TTC22: variants seen among roughly 807,000 people sequenced by gnomAD.
TTC22 encodes the protein tetratricopeptide repeat protein 22.
A neutral mutation model predicts 48.2 loss-of-function variants in TTC22; 42 were observed. That is an observed-to-expected ratio of 0.87 (90% confidence interval 0.68 to 1.13). TTC22 has a LOEUF of 1.13. TTC22 is among the 50% of genes most tolerant of loss of function. The pLI, the probability that TTC22 is intolerant of heterozygous loss-of-function variation, is 0.00. For missense variants in TTC22, 784 were observed against 807.0 expected, an observed-to-expected ratio of 0.97 and a Z score of 0.34; for synonymous variants, 345 against 365.5, an observed-to-expected ratio of 0.94 and a Z score of 0.64.
Position 54,781,616 on chromosome 1 carries a change from C to T in TTC22, c.1337G>A (p.Gly446Asp), listed in dbSNP as rs1315628169. 2 of 1,529,220 alleles carry T rather than the reference C, an allele frequency of 1.3e-6. No individual in the cohort carries two copies. The highest frequency in any genetic ancestry group is 4.0e-5 in the Admixed American group (2 of 50,610). The allele number at this position is 1,529,220 out of a possible 1,614,324, so 94.7% of individuals were successfully genotyped here. The stretch of plus-strand genomic sequence containing the variant: ...GCAGGCGGCCGCGTTGGCGTCCTCG[C>T]CCTTGATGCGCAGGCACTTGCCGCG... ...LLRGKCLRIK[G>D]EDANAAACFK... The change falls in exon 7 of 7, where the codon GGC becomes GAC. Residue 446 changes from glycine to aspartate, a missense_variant. Gly to Asp is a moderately conservative substitution (Grantham distance 94, BLOSUM62 -1). Coordinates refer to ENST00000371276, the MANE Select transcript of TTC22 (RefSeq NM_001114108.2).
chr1:54,783,405 C>T (rs1218838813), intron 5 of TTC22, among the ~76,000 whole-genome samples: 1 of 152,168 alleles, frequency 6.6e-6, no homozygotes, highest in African/African-American at 2.4e-5. Context: ...TGAATATCTT[C>T]CTTGGGGAAT....
intron 1 of TTC22, among the ~76,000 whole-genome samples, chr1:54,798,372 C>A (rs1306906527): frequency 6.6e-6 from 1 of 152,238 alleles, no homozygotes; most frequent in Non-Finnish European, 1.5e-5. Context: ...CAGTCACTCC[C>A]ACTTTATCCA....
At chr1:54,786,891 G>A in intron 4 of TTC22, 66 bp downstream of exon 4, 2 of 801,418 alleles carry the variant, frequency 2.5e-6, no homozygotes. Flanking sequence ...CTGGGTTCTA[G>A]GTGGAGAGGC....
In TTC22 at chr1:54,781,546, G is replaced by C. The variant is rs964041926; in HGVS notation, c.1407C>G (p.Thr469=). 2.1e-4 allele frequency: 314 copies of C among 1,517,114 alleles called. 1 individual carries two copies. The Admixed American group carries it at 6.0e-3, about 29-fold the overall frequency. The allele number at this position is 1,517,114 out of a possible 1,614,324, so 94.0% of individuals were successfully genotyped here. A position where few individuals can be genotyped will look rare whatever the true frequency, so the allele number is the denominator to read the frequency against. Residue 469 remains threonine (T), a synonymous_variant, in exon 7 of 7, where the codon ACC becomes ACG. Coordinates refer to ENST00000371276, the MANE Select transcript of TTC22 (RefSeq NM_001114108.2). ...VELDDAGSSH[T]DGFGCLLEAL... ...CCTCGAGCAGGCAGCCGAAGCCGTC[G>C]GTGTGGCTGGAGCCCGCGTCGTCCA...
chr1:54,781,735 C>T lies in TTC22; in HGVS notation c.1218G>A (p.Ala406=). The part of the protein sequence containing the change: ...MGVDAVQELL[A]VDEAALNQAL... ...CCTGGTTCAGCGCCGCCTCGTCCAC[C>T]GCCAGCAGCTCCTGCACCGCGTCCA... Residue 406 remains alanine (A), a synonymous_variant, in exon 7 of 7, where the codon GCG becomes GCA. Coordinates refer to ENST00000371276, the MANE Select transcript of TTC22 (RefSeq NM_001114108.2). 2 of 1,511,248 alleles carry T rather than the reference C, an allele frequency of 1.3e-6. No individual in the cohort carries two copies. 93.6% of individuals were successfully genotyped at this position (1,511,248 alleles called of 1,614,324 possible).
chr1:54,781,626 G>T lies in TTC22; in HGVS notation c.1327C>A (p.Arg443Ser), dbSNP rs1389816728. ...ELQLLRGKCLRIKGEDANAAA... is the reference protein window; with the variant it reads ...ELQLLRGKCLSIKGEDANAAA... ...GCGTTGGCGTCCTCGCCCTTGATGC[G>T]CAGGCACTTGCCGCGCAGCAGCTGC... Residue 443 changes from arginine (R) to serine (S), a missense_variant, in exon 7 of 7, where the codon CGC (arginine) becomes AGC (serine). By Grantham distance (110) the Arg-to-Ser change is moderately radical. Transcript: ENST00000371276. 2.0e-6 allele frequency: 3 copies of T among 1,529,946 alleles called. No homozygotes were observed. The highest frequency in any genetic ancestry group is 2.8e-5 in the African/African-American group (2 of 72,254). 94.8% of individuals were successfully genotyped at this position (1,529,946 alleles called of 1,614,324 possible). A position where few individuals can be genotyped will look rare whatever the true frequency, so the allele number is the denominator to read the frequency against.
At chr1:54,792,225 GTCCC>G (rs1646357398) in intron 1 of TTC22, among the ~76,000 whole-genome samples, 1 of 152,230 alleles carries the variant, frequency 6.6e-6, no homozygotes, top group Admixed American at 6.5e-5. Flanking sequence ...CCCTAAAGTA[GTCCC>G]TCATCAGATC....
Position 54,780,968 on chromosome 1 carries a change from T to C in TTC22, c.*275A>G, listed in dbSNP as rs1202010883. The stretch of plus-strand genomic sequence containing the variant: ...ACAACCATCTTATTTTACCTGTATG[T>C]CTAGAAAATTCTGTCCCTTAATTGG... On this transcript the variant is annotated 3_prime_UTR_variant, in exon 7 of 7. Coordinates refer to ENST00000371276, the MANE Select transcript of TTC22 (RefSeq NM_001114108.2). The C allele has an allele frequency of 3.0e-6, 1 of 334,900 alleles. No homozygotes were observed. The highest frequency in any genetic ancestry group is 5.4e-6 in the Non-Finnish European group (1 of 185,044). The allele number at this position is 334,900 out of a possible 1,614,324, so 20.7% of individuals were successfully genotyped here. A position where few individuals can be genotyped will look rare whatever the true frequency, so the allele number is the denominator to read the frequency against.
chr1:54,789,403 G>A (rs553603071), intron 1 of TTC22, among the ~76,000 whole-genome samples: 10 of 152,368 alleles, frequency 6.6e-5, no homozygotes, highest in African/African-American at 2.2e-4. Flanking sequence ...GCAGCTGATG[G>A]GTGTGCAGCA....
intron 1 of TTC22, among the ~76,000 whole-genome samples, chr1:54,797,389 G>A (rs114091581): frequency 5.9e-5 from 9 of 152,136 alleles, no homozygotes; most frequent in Admixed American, 3.3e-4. Context: ...GTGGCTGGGC[G>A]CGGTGGCTCA....
intron 1 of TTC22, among the ~76,000 whole-genome samples, chr1:54,794,123 T>A (rs1646373113): frequency 6.6e-6 from 1 of 152,238 alleles, no homozygotes; most frequent in South Asian, 2.1e-4. Context: ...GCTCTCACTG[T>A]ACTACCCTAA....
rs1460092527 is a variant in TTC22, at chr1:54,782,340, G to A, written c.1158C>T (p.Tyr386=). ...VVRVCPGFKA[Y]LDIGQVYYYM... ...ACTGCCTTACCTGGCCGATGTCCAGGTACGCCTTGAAGCCTGGGCACACCC... is the reference window on the plus strand; with the variant it reads ...ACTGCCTTACCTGGCCGATGTCCAGATACGCCTTGAAGCCTGGGCACACCC... The change falls in exon 6 of 7, where the codon TAC becomes TAT. Residue 386 remains tyrosine, a synonymous_variant. Transcript: ENST00000371276. The A allele has an allele frequency of 7.8e-6, 12 of 1,543,274 alleles. No individual in the cohort carries two copies. The highest frequency in any genetic ancestry group is 7.9e-6 in the Non-Finnish European group (9 of 1,142,640).
In TTC22 at chr1:54,781,829, G is replaced by A. The variant is rs1000625026; in HGVS notation, c.1174-50C>T. ...CCCTTCACCGCAGGCGCGGCTCCACGCTCATTCCCGCCCCACGCTTGCTTT... is the reference window on the plus strand; with the variant it reads ...CCCTTCACCGCAGGCGCGGCTCCACACTCATTCCCGCCCCACGCTTGCTTT... On this transcript the variant is annotated intron_variant, in intron 6 of 6. Coordinates refer to ENST00000371276, the MANE Select transcript of TTC22 (RefSeq NM_001114108.2). The A allele has an allele frequency of 6.6e-6, 9 of 1,366,226 alleles. No individual in the cohort carries two copies. In the Admixed American group the frequency reaches 1.8e-4, roughly 27 times the overall value. 84.6% of individuals were successfully genotyped at this position (1,366,226 alleles called of 1,614,324 possible).
rs189421291 is a variant in TTC22 at position 54,782,444 on chromosome 1, G to T, written c.1054C>A (p.Arg352=). 1 of 1,550,582 alleles carries T rather than the reference G, an allele frequency of 6.4e-7. No individual in the cohort carries two copies. The change falls in exon 6 of 7, where the codon CGG becomes AGG. Residue 352 remains arginine, a synonymous_variant. Transcript: ENST00000371276. ...ATGCCCCCGAGACCCATCTTGGCCCGCTTGAGGTCATGCAGGTAGGCTCTG... is the reference window on the plus strand; with the variant it reads ...ATGCCCCCGAGACCCATCTTGGCCCTCTTGAGGTCATGCAGGTAGGCTCTG... ...HIRAYLHDLK[R]AKMGLGGMPD...
At position 54,800,720 on chromosome 1, in the gene TTC22, G is replaced by A. The variant is rs763656821; in HGVS notation, c.444C>T (p.Arg148=). The change falls in exon 1 of 7, where the codon CGC becomes CGT. Residue 148 remains arginine (R), a synonymous_variant. Transcript: ENST00000371276. The part of the protein sequence containing the change: ...AAGDPQLRAA[R]CLAEQGYAHG... ...GCGCGTAGCCCTGCTCGGCCAGGCAGCGAGCGGCGCGGAGCTGGGGGTCCC... is the reference window on the plus strand; with the variant it reads ...GCGCGTAGCCCTGCTCGGCCAGGCAACGAGCGGCGCGGAGCTGGGGGTCCC... The A allele has an allele frequency of 5.2e-6, 8 of 1,542,918 alleles. No individual in the cohort carries two copies. In the South Asian group the frequency reaches 9.5e-5, roughly 18 times the overall value.
At chr1:54,797,615 T>C (rs1646402183) in intron 1 of TTC22, among the ~76,000 whole-genome samples, 1 of 152,042 alleles carries the variant, frequency 6.6e-6, no homozygotes, top group African/African-American at 2.4e-5. Flanking sequence ...GCCATTGCAC[T>C]CTAGACTCAG....
Position 54,781,082 on chromosome 1 carries a change from C to A in TTC22, c.*161G>T. On this transcript the variant is annotated 3_prime_UTR_variant, in exon 7 of 7. Transcript: ENST00000371276. ...CAGTCTGGGTGGGCGTTTCAAACCG[C>A]GCGGGTGTCGCAACATCCCCATTCA... is the stretch of plus-strand genomic sequence containing the variant. 2.0e-6 allele frequency: 1 copy of A among 489,600 alleles called. No homozygotes were observed. The highest frequency in any genetic ancestry group is 3.4e-6 in the Non-Finnish European group (1 of 295,816). 30.3% of individuals were successfully genotyped at this position (489,600 alleles called of 1,614,324 possible). A position where few individuals can be genotyped will look rare whatever the true frequency, so the allele number is the denominator to read the frequency against.
rs771180053 is a variant in TTC22 at position 54,788,058 on chromosome 1, C to G, written c.607G>C (p.Ala203Pro). ...TTGCCTGACCTGATGTAGAGTGTTG[C>G]CATGGTGAAATACCAGCCCCTTTTC... ...EEKRGWYFTMATLYIRLDGIF... is the reference protein window; with the variant it reads ...EEKRGWYFTMPTLYIRLDGIF... The change falls in exon 2 of 7, where the codon GCA becomes CCA. Residue 203 changes from alanine (A) to proline (P), a missense_variant. Transcript: ENST00000371276. The G allele has an allele frequency of 2.5e-6, 4 of 1,614,004 alleles. No homozygotes were observed. In the South Asian group the frequency reaches 4.4e-5, roughly 18 times the overall value.
chr1:54,799,909 C>T (rs1570123041), intron 1 of TTC22, among the ~76,000 whole-genome samples: 1 of 152,210 alleles, frequency 6.6e-6, no homozygotes, highest in Admixed American at 6.5e-5. Flanking sequence ...ACATTACTAT[C>T]TCCATCTTAC....
Sources: allele counts gnomAD v4.1 joint callset (sites outside exome capture counted in the v4.1 genomes callset), GRCh38; gene constraint gnomAD v4.1.1; transcripts MANE v1.5; gene names NCBI Gene and HGNC (gene_info 2026-07-23, HGNC 2026-07-21).